Variants in CDYL observed in about 807,000 individuals in gnomAD.
The protein encoded by CDYL is chromodomain Y like, also known as chromodomain Y-like protein.
A neutral mutation model predicts 47.3 loss-of-function variants in CDYL; 8 were observed. The observed-to-expected ratio is 0.17, with a 90% CI of 0.10 to 0.31. CDYL has a LOEUF of 0.31. Among genes scored for constraint, CDYL ranks in the 10% least tolerant of loss-of-function variants. CDYL has a pLI of 1.00. For synonymous variants in CDYL, 266 were observed against 265.0 expected, an observed-to-expected ratio of 1.00 and a Z score of -0.04; for missense variants, 471 against 701.4, an observed-to-expected ratio of 0.67 and a Z score of 3.71.
intron 1 of CDYL, among the ~76,000 whole-genome samples, chr6:4,710,917 C>CCACACA (rs67002698): frequency 1.3e-5 from 2 of 149,504 alleles, no homozygotes; most frequent in African/African-American, 2.5e-5. Flanking sequence ...GGTGTTCTCA[C>CCACACA]CACACACACA....
chr6:4,923,218 C>A (rs1370336804), intron 2 of CDYL, among the ~76,000 whole-genome samples: 1 of 152,162 alleles, frequency 6.6e-6, no homozygotes. Context: ...ACCTTTGACT[C>A]TTCTCCCCCC....
chr6:4,726,493 T>C (rs998478324), intron 2 of CDYL, among the ~76,000 whole-genome samples: 1 of 148,364 alleles, frequency 6.7e-6, no homozygotes, highest in Non-Finnish European at 1.5e-5. Flanking sequence ...GATCGCACCA[T>C]TGCACTCCAG....
At chr6:4,910,693 T>C (rs1359229862) in intron 2 of CDYL, among the ~76,000 whole-genome samples, 1 of 152,190 alleles carries the variant, frequency 6.6e-6, no homozygotes, top group South Asian at 2.1e-4. Context: ...AGGGAAAAGG[T>C]GTCTCCGTGG....
upstream of CDYL, chr6:4,772,977 G>T (rs1187540687): frequency 2.7e-6 from 1 of 375,294 alleles, no homozygotes; most frequent in South Asian, 2.0e-5. Flanking sequence ...AGGAAGACAT[G>T]CCTGGTTTGG....
chr6:4,770,513 G>A (rs1250763486), intron 3 of CDYL, among the ~76,000 whole-genome samples: 1 of 152,172 alleles, frequency 6.6e-6, no homozygotes, highest in Non-Finnish European at 1.5e-5. Flanking sequence ...CTGGAACAGG[G>A]TAAGTGCTTC....
chr6:4,843,665 C>A (rs1760569779), intron 1 of CDYL, among the ~76,000 whole-genome samples: 2 of 151,888 alleles, frequency 1.3e-5, no homozygotes, highest in Non-Finnish European at 2.9e-5. Flanking sequence ...TTTTTCATTT[C>A]CATAAGTCGT....
At chr6:4,914,884 C>T (rs1277810345) in intron 2 of CDYL, among the ~76,000 whole-genome samples, 1 of 152,198 alleles carries the variant, frequency 6.6e-6, no homozygotes, top group African/African-American at 2.4e-5. Flanking sequence ...AGACTGTCCT[C>T]CAGCTGGGAG....
rs532218519 is a variant in CDYL at position 4,729,784 on chromosome 6, G to T, written c.104-4978G>T. ...AATACAAAAATTAGCTGTGCATGGT[G>T]GTGCATGTATGTGGTCCCAGCTACT... On this transcript the variant is annotated intron_variant, in intron 2 of 8. Coordinates refer to the CDYL transcript ENST00000328908. Among the ~76,000 whole-genome samples, 104 of 152,278 alleles carry T rather than the reference G, an allele frequency of 6.8e-4. 1 individual carries two copies. The highest frequency in any genetic ancestry group is 6.6e-3 in the South Asian group (32 of 4,832).
intron 5 of CDYL, among the ~76,000 whole-genome samples, chr6:4,946,766 C>T (rs1176052912): frequency 6.6e-6 from 1 of 152,158 alleles, no homozygotes; most frequent in Non-Finnish European, 1.5e-5. Context: ...CTCCCAGTCC[C>T]AGCCAGCACT....
At chr6:4,889,328 A>G (rs946666217) in intron 1 of CDYL, among the ~76,000 whole-genome samples, 1 of 151,828 alleles carries the variant, frequency 6.6e-6, no homozygotes, top group Non-Finnish European at 1.5e-5. Context: ...GGTTCAAGCA[A>G]TTCTCCTGCT....
upstream of CDYL, chr6:4,773,270 A>G (rs546971729): frequency 2.2e-6 from 1 of 454,586 alleles, no homozygotes; most frequent in Non-Finnish European, 4.4e-6. The surrounding 1 kb of genome is among the most constrained non-coding windows in gnomAD (Gnocchi z 4.6). Context: ...TTTAAGAGTC[A>G]TATGTCTTAC....
At chr6:4,853,029 GTCC>G (rs1255177800) in intron 1 of CDYL, among the ~76,000 whole-genome samples, 2 of 152,044 alleles carry the variant, frequency 1.3e-5, no homozygotes, top group Non-Finnish European at 2.9e-5. Flanking sequence ...GCCTCAAGTG[GTCC>G]TCCTCTTGGG....
chr6:4,856,488 C>T (rs987903385), intron 1 of CDYL, among the ~76,000 whole-genome samples: 3 of 152,200 alleles, frequency 2.0e-5, no homozygotes, highest in Non-Finnish European at 2.9e-5. Context: ...GCAGTCCACA[C>T]ATGTCCATGG....
At chr6:4,720,225 G>T (rs1195821069) in intron 2 of CDYL, among the ~76,000 whole-genome samples, 1 of 152,148 alleles carries the variant, frequency 6.6e-6, no homozygotes. Context: ...GAGGAGGAGT[G>T]CAAAAAATTC....
chr6:4,715,491 G>A (rs775952457), intron 1 of CDYL, among the ~76,000 whole-genome samples: 2 of 152,246 alleles, frequency 1.3e-5, no homozygotes, highest in African/African-American at 2.4e-5. Context: ...CCAACATATT[G>A]ACATATATTG....
intron 3 of CDYL, among the ~76,000 whole-genome samples, chr6:4,744,217 G>A (rs748350400): frequency 1.3e-5 from 2 of 152,208 alleles, no homozygotes; most frequent in Non-Finnish European, 1.5e-5. Context: ...AAATAGCTCA[G>A]GCGCGAAGTC....
intron 1 of CDYL, among the ~76,000 whole-genome samples, chr6:4,843,649 AGT>A (rs1329174224): frequency 1.3e-5 from 2 of 151,638 alleles, no homozygotes; most frequent in African/African-American, 4.8e-5. Context: ...CATTTCTCTA[AGT>A]GTGTTTTTCA....
At chr6:4,877,175 C>A (rs1351499930) in intron 1 of CDYL, among the ~76,000 whole-genome samples, 3 of 152,210 alleles carry the variant, frequency 2.0e-5, no homozygotes, top group African/African-American at 7.2e-5. Context: ...TCCAAATAGA[C>A]CAAGACAGAA....
chr6:4,935,848 C>T (rs1436217543), intron 3 of CDYL, 77 bp downstream of exon 3: 3 of 1,584,198 alleles, frequency 1.9e-6, no homozygotes, highest in African/African-American at 1.3e-5. Context: ...GCTGAACTGG[C>T]TCTTCCTGTG....
Sources: allele counts gnomAD v4.1 joint callset (sites outside exome capture counted in the v4.1 genomes callset), GRCh38; gene constraint gnomAD v4.1.1; non-coding constraint Gnocchi (gnomAD v3.1); transcripts MANE v1.5; gene names NCBI Gene and HGNC (gene_info 2026-07-23, HGNC 2026-07-21).